ANK2: variants seen among roughly 807,000 people sequenced by gnomAD.
ANK2 encodes ankyrin-2.
Under a neutral mutation model 360.5 loss-of-function variants are expected in ANK2, and 83 were observed. The observed-to-expected ratio is 0.23, with a 90% confidence interval of 0.19 to 0.28. ANK2 has a LOEUF of 0.28. ANK2 is among the 10% of genes least tolerant of loss of function. The pLI, the probability that ANK2 is intolerant of heterozygous loss-of-function variation, is 1.00. For synonymous variants in ANK2, 1,740 were observed against 1,759.5 expected, an observed-to-expected ratio of 0.99 and a Z score of 0.28; for missense variants, 4,201 against 4,795.7, an observed-to-expected ratio of 0.88 and a Z score of 3.66.
At chr4:113,338,127 G>A (rs866467543) in intron 31 of ANK2, among the ~76,000 whole-genome samples, 47 of 152,208 alleles carry the variant, frequency 3.1e-4, no homozygotes, top group South Asian at 1.7e-3. Context: ...TCTGTGTCAT[G>A]TAGTTATGCT....
chr4:112,745,457 CTT>C, the ANK2 span, among the ~76,000 whole-genome samples: 3 of 149,794 alleles, frequency 2.0e-5, no homozygotes, highest in Non-Finnish European at 4.4e-5. Context: ...CAATTATGCT[CTT>C]TTAGTTATTT....
chr4:113,177,448 C>A (rs1457765798), intron 2 of ANK2, among the ~76,000 whole-genome samples: 1 of 152,086 alleles, frequency 6.6e-6, no homozygotes, highest in African/African-American at 2.4e-5. Context: ...TCTAAATTTA[C>A]AATATGCTAG....
chr4:112,775,515 T>TCACACACACACA, the ANK2 span, among the ~76,000 whole-genome samples: 43,896 of 117,946 alleles, frequency 0.37, 8,483 homozygotes, highest in Admixed American at 0.49. Flanking sequence ...CTAAGCTCCA[T>TCACACACACACA]CACACACACA....
chr4:112,869,941 C>T (rs767861257), intron 1 of ANK2, among the ~76,000 whole-genome samples: 2 of 152,050 alleles, frequency 1.3e-5, no homozygotes, highest in African/African-American at 2.4e-5. Flanking sequence ...CTTGGCCTCC[C>T]GAAGTGCTGG....
chr4:113,096,789 G>A (rs1164155936), intron 1 of ANK2, among the ~76,000 whole-genome samples: 3 of 152,006 alleles, frequency 2.0e-5, no homozygotes, highest in African/African-American at 7.3e-5. Context: ...AATGCTGTAT[G>A]TAGAAACATA....
At chr4:113,306,099 C>T (rs953665561) in intron 23 of ANK2, among the ~76,000 whole-genome samples, 2 of 152,140 alleles carry the variant, frequency 1.3e-5, no homozygotes, top group African/African-American at 4.8e-5. Flanking sequence ...AGCTCTATAA[C>T]TGATGCCACA....
At chr4:113,162,092 T>C (rs2097558557) in intron 1 of ANK2, among the ~76,000 whole-genome samples, 2 of 152,226 alleles carry the variant, frequency 1.3e-5, no homozygotes, top group Non-Finnish European at 2.9e-5. Context: ...TCTGTTCCCC[T>C]AAATTATTGA....
chr4:113,035,167 C>CT (rs768407670), intron 2 of ANK2, among the ~76,000 whole-genome samples: 2,336 of 142,488 alleles, frequency 0.016, 55 homozygotes, highest in African/African-American at 0.053. Flanking sequence ...CAAAAGGTAC[C>CT]TTTTTTTTTT....
At chr4:112,994,768 G>A (rs530443713) in intron 2 of ANK2, among the ~76,000 whole-genome samples, 4 of 152,104 alleles carry the variant, frequency 2.6e-5, no homozygotes, top group South Asian at 2.1e-4. Context: ...TCTTTCCTCT[G>A]CCCCAGTAGT....
At chr4:112,921,454 G>C (rs1436250528) in intron 2 of ANK2, among the ~76,000 whole-genome samples, 5 of 146,256 alleles carry the variant, frequency 3.4e-5, no homozygotes, top group Non-Finnish European at 7.5e-5. Flanking sequence ...GGATTGTGAG[G>C]TACTATTCCT....
the ANK2 span, among the ~76,000 whole-genome samples, chr4:112,729,843 T>C: frequency 6.6e-6 from 1 of 151,960 alleles, no homozygotes; most frequent in Non-Finnish European, 1.5e-5. Context: ...AATCCTGTCA[T>C]TTGCAGTAAT....
intron 2 of ANK2, among the ~76,000 whole-genome samples, chr4:113,011,765 G>GT (rs1249282680): frequency 6.6e-6 from 1 of 151,924 alleles, no homozygotes; most frequent in African/African-American, 2.4e-5. Flanking sequence ...TGCACTTGCT[G>GT]TTTTTTTAAG....
At chr4:113,020,342 G>T (rs1483401586) in intron 2 of ANK2, among the ~76,000 whole-genome samples, 2 of 151,958 alleles carry the variant, frequency 1.3e-5, no homozygotes, top group Non-Finnish European at 2.9e-5. Context: ...AAATGCTACT[G>T]CCCCAAGCTA....
At chr4:113,143,431 T>C (rs183309519) in intron 1 of ANK2, among the ~76,000 whole-genome samples, 1 of 152,308 alleles carries the variant, frequency 6.6e-6, no homozygotes, top group East Asian at 1.9e-4. Flanking sequence ...ATATTCCTTT[T>C]CCATGTGTAA....
At chr4:113,165,832 T>TA (rs1261870347) in intron 1 of ANK2, among the ~76,000 whole-genome samples, 1 of 152,112 alleles carries the variant, frequency 6.6e-6, no homozygotes, top group Non-Finnish European at 1.5e-5. Context: ...TCTGAAGCCT[T>TA]AGATAGGTGT....
rs1479176974 is a variant in ANK2 at position 113,357,190 on chromosome 4, G to A, written c.8572G>A (p.Gly2858Arg). ...TTTGCCTCATTGTTTGGTATCTGAA[G>A]GAAAAGAATTAGATGAAGACATATC... is the stretch of plus-strand genomic sequence containing the variant. ...SSLPHCLVSE[G>R]KELDEDISAT... The change falls in exon 38 of 46, where the codon GGA becomes AGA. Residue 2858 changes from glycine (G) to arginine (R), a missense_variant. Coordinates refer to ENST00000357077, the MANE Select transcript of ANK2 (RefSeq NM_001148.6). The A allele has an allele frequency of 6.2e-7, 1 of 1,613,866 alleles. No individual in the cohort carries two copies. The highest frequency in any genetic ancestry group is 8.5e-7 in the Non-Finnish European group (1 of 1,179,980).
intron 1 of ANK2, among the ~76,000 whole-genome samples, chr4:113,055,020 C>T (rs2068924931): frequency 6.6e-6 from 1 of 152,188 alleles, no homozygotes; most frequent in Admixed American, 6.5e-5. Flanking sequence ...TTAGGACCCA[C>T]TTCAGACCTG....
intron 2 of ANK2, among the ~76,000 whole-genome samples, chr4:112,957,526 T>TG (rs1191838523): frequency 6.6e-6 from 1 of 152,204 alleles, no homozygotes; most frequent in East Asian, 1.9e-4. Flanking sequence ...AATGAGCTGT[T>TG]GGGTACACCT....
intron 2 of ANK2, among the ~76,000 whole-genome samples, chr4:112,905,930 G>A (rs2085041376): frequency 6.6e-6 from 1 of 152,210 alleles, no homozygotes; most frequent in Non-Finnish European, 1.5e-5. Flanking sequence ...CCACAGTGCT[G>A]GGATTATAGG....
Sources: allele counts gnomAD v4.1 joint callset (sites outside exome capture counted in the v4.1 genomes callset), GRCh38; gene constraint gnomAD v4.1.1; transcripts MANE v1.5; gene names NCBI Gene and HGNC (gene_info 2026-07-23, HGNC 2026-07-21).